Variants in SCLT1 observed in about 807,000 individuals in gnomAD.
The protein encoded by SCLT1 is sodium channel-associated protein 1.
Under a neutral mutation model 112.8 loss-of-function variants are expected in SCLT1, and 78 were observed. The observed-to-expected ratio is 0.69, with a 90% CI of 0.58 to 0.83. The LOEUF is 0.83. Ranked by LOEUF, SCLT1 falls within the 40% of genes least tolerant of loss-of-function variation. The pLI is 0.00. For missense variants in SCLT1, 747 were observed against 770.4 expected (o/e 0.97, Z 0.36); for synonymous variants, 257 against 254.7 (o/e 1.01, Z -0.09).
rs138638684 is a variant in SCLT1, at chr4:128,877,463, C to G, written n.226-827G>C. Among the ~76,000 whole-genome samples the G allele has an allele frequency of 4.2e-3, 638 of 152,196 alleles. 3 individuals carry two copies. The highest frequency in any genetic ancestry group is 0.014 in the African/African-American group (575 of 41,524). ...TTGGGAGGTGGAGGTGGGCAGATCA[C>G]GAGGTCAGTAGTTCGAGACCAGCCT... is the stretch of plus-strand genomic sequence containing the variant. On this transcript the variant is annotated intron_variant and non_coding_transcript_variant, in intron 3 of 7. Transcript: ENST00000503565.
intron 16 of SCLT1, chr4:128,944,999 C>A (rs1489592654): frequency 6.6e-6 from 1 of 152,178 alleles, no homozygotes; most frequent in African/African-American, 2.4e-5. Context: ...AAGTAAGGAA[C>A]ATGGGAAGGT....
intron 2 of SCLT1, among the ~76,000 whole-genome samples, chr4:129,057,409 C>CTTTTTTTT (rs35098310): frequency 7.5e-6 from 1 of 132,604 alleles, no homozygotes; most frequent in Non-Finnish European, 1.6e-5. Flanking sequence ...TAATATTATT[C>CTTTTTTTT]TTTTTTTTTT....
chr4:129,033,392 C>T (rs554370745), intron 5 of SCLT1, among the ~76,000 whole-genome samples: 7 of 149,016 alleles, frequency 4.7e-5, no homozygotes, highest in South Asian at 4.3e-4. Flanking sequence ...CTAATGCATG[C>T]GGGGCTTAAA....
chr4:128,893,040 G>A (rs942580041), intron 18 of SCLT1, among the ~76,000 whole-genome samples: 8 of 152,072 alleles, frequency 5.3e-5, no homozygotes, highest in African/African-American at 1.4e-4. Context: ...GTAATTACAG[G>A]TAAAAGTTAC....
chr4:129,059,740 T>A (rs1424330790), intron 2 of SCLT1, among the ~76,000 whole-genome samples: 1 of 152,204 alleles, frequency 6.6e-6, no homozygotes, highest in African/African-American at 2.4e-5. Context: ...TTCTTTTATA[T>A]GTGACTTGCT....
chr4:128,931,924 C>T (rs1161581581), intron 18 of SCLT1, among the ~76,000 whole-genome samples: 2 of 150,026 alleles, frequency 1.3e-5, no homozygotes, highest in African/African-American at 4.9e-5. Flanking sequence ...ATATTTATTC[C>T]TAAAATCTAT....
chr4:128,877,195 T>C (rs115356539), intron 3 of SCLT1, among the ~76,000 whole-genome samples: 3,420 of 152,308 alleles, frequency 0.022, 112 homozygotes, highest in African/African-American at 0.074. Flanking sequence ...CAGGCACTGG[T>C]ATGTATTATG....
At position 129,043,377 on chromosome 4, in the gene SCLT1, A is replaced by G. The variant is rs2125698873; in HGVS notation, c.234+18T>C. On this transcript the variant is annotated intron_variant, in intron 4 of 20. Coordinates refer to ENST00000281142, the MANE Select transcript of SCLT1 (RefSeq NM_144643.4). Reference sequence around the variant, plus strand: ...CATAATAAAATATTACAAAAGCCTCATAACTATGATTTCATACCTGGTAAT... The same window carrying G: ...CATAATAAAATATTACAAAAGCCTCGTAACTATGATTTCATACCTGGTAAT... The G allele has an allele frequency of 3.2e-6, 4 of 1,250,632 alleles. No individual in the cohort carries two copies. The highest frequency in any genetic ancestry group is 4.6e-6 in the Non-Finnish European group (4 of 866,752). 77.5% of individuals were successfully genotyped at this position (1,250,632 alleles called of 1,614,324 possible). A position where few individuals can be genotyped will look rare whatever the true frequency, so the allele number is the denominator to read the frequency against.
chr4:128,934,361 CT>C (rs150611646), intron 18 of SCLT1, among the ~76,000 whole-genome samples: 62 of 151,446 alleles, frequency 4.1e-4, no homozygotes, highest in Non-Finnish European at 6.9e-4. Flanking sequence ...TGTTATATTA[CT>C]TTTTTTTAAC....
Position 128,948,516 on chromosome 4 carries a change from C to T in SCLT1, c.1273G>A (p.Val425Met). 6 of 1,608,662 alleles carry T rather than the reference C, an allele frequency of 3.7e-6. No homozygotes were observed. The highest frequency in any genetic ancestry group is 5.1e-6 in the Non-Finnish European group (6 of 1,176,822). Residue 425 changes from valine (V) to methionine (M), a missense_variant, in exon 15 of 21, where the codon GTG becomes ATG. Val to Met is a conservative substitution (Grantham distance 21). Coordinates refer to ENST00000281142, the MANE Select transcript of SCLT1 (RefSeq NM_144643.4). ...IERVIKEKKA[V>M]EEELEKIYRE... The stretch of plus-strand genomic sequence containing the variant: ...TTTACCTTTTCTAGTTCTTCTTCCA[C>T]TGCTTTTTTTTCCTTAATGACTCGT...
chr4:128,934,929 A>G (rs140869112), intron 18 of SCLT1, among the ~76,000 whole-genome samples: 2 of 151,970 alleles, frequency 1.3e-5, no homozygotes, highest in African/African-American at 4.8e-5. Flanking sequence ...TGCCATTAAG[A>G]ACAATGTCTG....
intron 4 of SCLT1, among the ~76,000 whole-genome samples, chr4:128,876,078 T>C (rs1732513228): frequency 6.6e-6 from 1 of 152,192 alleles, no homozygotes; most frequent in Non-Finnish European, 1.5e-5. Flanking sequence ...TAGCATATAG[T>C]GAAATGCACC....
chr4:128,893,151 AC>A (rs1733459416), intron 18 of SCLT1, among the ~76,000 whole-genome samples: 1 of 151,752 alleles, frequency 6.6e-6, no homozygotes, highest in African/African-American at 2.4e-5. Context: ...TTTACACAAA[AC>A]CTTTTCAGGA....
At chr4:129,021,695 T>C (rs1383401350) in intron 5 of SCLT1, among the ~76,000 whole-genome samples, 1 of 152,162 alleles carries the variant, frequency 6.6e-6, no homozygotes, top group Non-Finnish European at 1.5e-5. Flanking sequence ...AAAATCCCCA[T>C]TGCCCTAAGG....
intron 18 of SCLT1, among the ~76,000 whole-genome samples, chr4:128,909,433 G>C (rs1734929288): frequency 6.6e-6 from 1 of 152,002 alleles, no homozygotes; most frequent in South Asian, 2.1e-4. Context: ...AATTTCTGTA[G>C]GGACAGGGTC....
chr4:129,071,562 C>T (rs941641959), intron 2 of SCLT1, among the ~76,000 whole-genome samples: 8 of 151,960 alleles, frequency 5.3e-5, no homozygotes, highest in Admixed American at 4.6e-4. Flanking sequence ...ACTGCTGTTG[C>T]TTTAAAGTTT....
At position 129,003,834 on chromosome 4, in the gene SCLT1, C is replaced by T. The variant is rs1743749559; in HGVS notation, c.333G>A (p.Glu111=). 1 of 1,611,864 alleles carries T rather than the reference C, an allele frequency of 6.2e-7. No individual in the cohort carries two copies. The highest frequency in any genetic ancestry group is 1.7e-5 in the Admixed American group (1 of 59,772). Residue 111 remains glutamate, a synonymous_variant, in exon 6 of 21, where the codon GAG becomes GAA. Transcript: ENST00000281142. ...CTACCTCTGTGCCCAGGGGAAAGGCCTCCAATTTTTTTTCAACAGCATCTT... is the reference window on the plus strand; with the variant it reads ...CTACCTCTGTGCCCAGGGGAAAGGCTTCCAATTTTTTTTCAACAGCATCTT... The part of the protein sequence containing the change: ...ELKDAVEKKL[E]AFPLGTEVGT...
At chr4:129,034,435 A>G (rs1450348178) in intron 5 of SCLT1, among the ~76,000 whole-genome samples, 1 of 151,654 alleles carries the variant, frequency 6.6e-6, no homozygotes, top group African/African-American at 2.4e-5. Context: ...AAAAAAATAA[A>G]TATCAGGCTA....
intron 18 of SCLT1, among the ~76,000 whole-genome samples, chr4:128,903,202 A>G (rs1734454724): frequency 6.6e-6 from 1 of 152,224 alleles, no homozygotes; most frequent in Non-Finnish European, 1.5e-5. Flanking sequence ...TGCATATGCT[A>G]TACTTTTATA....
Sources: allele counts gnomAD v4.1 joint callset (sites outside exome capture counted in the v4.1 genomes callset), GRCh38; gene constraint gnomAD v4.1.1; transcripts MANE v1.5; gene names NCBI Gene and HGNC (gene_info 2026-07-23, HGNC 2026-07-21).